CLCN7: variants seen among roughly 807,000 people sequenced by gnomAD.
The protein encoded by CLCN7 is Cl-/H+ antiporter 7.
In CLCN7, 60 loss-of-function variants were observed where a neutral mutation model predicts 102.1. That is an observed-to-expected ratio of 0.59 (90% CI 0.48 to 0.73). The LOEUF is 0.73. CLCN7 is among the 30% of genes least tolerant of loss of function. The probability of loss-of-function intolerance (pLI) is 0.00; values close to 1 mark genes in which losing one functional copy is unlikely to be tolerated. For missense variants in CLCN7, 962 were observed against 1,125.7 expected, an observed-to-expected ratio of 0.85 and a Z score of 2.08; for synonymous variants, 560 against 490.5, an observed-to-expected ratio of 1.14 and a Z score of -1.87.
Position 1,451,635 on chromosome 16 carries a change from G to A in CLCN7, c.1435C>T (p.His479Tyr). The change falls in exon 16 of 25, where the codon CAC becomes TAC. Residue 479 changes from histidine (H) to tyrosine (Y), a missense_variant. Physicochemically the swap from His to Tyr is moderately conservative, Grantham distance 83 (BLOSUM62 2). Transcript: ENST00000382745. ...TGCCCACACACACCTGGCGGGTCGT[G>A]GAAGAGGCTCACCACGCTCTTCTCC... is the stretch of plus-strand genomic sequence containing the variant. ...TPEKSVVSLF[H>Y]DPPGSYNPLT... The A allele has an allele frequency of 6.2e-7, 1 of 1,612,024 alleles. No individual in the cohort carries two copies. Among genetic ancestry groups the A allele is most frequent in the Non-Finnish European group, 8.5e-7 (1 of 1,179,852 alleles).
chr16:1,465,137 A>G (rs2038987305), intron 2 of CLCN7, 130 bp downstream of exon 2: 13 of 796,824 alleles, frequency 1.6e-5, no homozygotes, highest in South Asian at 1.6e-4. Flanking sequence ...TGTCCCCCCA[A>G]GGAAATCTTC....
intron 1 of CLCN7, among the ~76,000 whole-genome samples, chr16:1,469,139 G>A (rs1036105486): frequency 1.3e-5 from 2 of 151,936 alleles, no homozygotes; most frequent in Non-Finnish European, 2.9e-5. Flanking sequence ...CCGGGAGGTG[G>A]AGGTTGCAGT....
In CLCN7 at chr16:1,446,137, C is replaced by T. The variant is rs2038635654; in HGVS notation, c.*494G>A. On this transcript the variant is annotated 3_prime_UTR_variant, in exon 25 of 25. Transcript: ENST00000382745. ...GAGTCCGTGCCTCAGGCCCAGGGACCACAGGCCGTCTGCTCATGGCTGAAA... is the reference window on the plus strand; with the variant it reads ...GAGTCCGTGCCTCAGGCCCAGGGACTACAGGCCGTCTGCTCATGGCTGAAA... The T allele has an allele frequency of 1.7e-6, 1 of 601,242 alleles. No individual in the cohort carries two copies. The highest frequency in any genetic ancestry group is 1.9e-5 in the African/African-American group (1 of 53,944). 37.2% of individuals were successfully genotyped at this position (601,242 alleles called of 1,614,324 possible). A position where few individuals can be genotyped will look rare whatever the true frequency, so the allele number is the denominator to read the frequency against.
intron 21 of CLCN7, among the ~76,000 whole-genome samples, chr16:1,448,040 G>A (rs1461581599): frequency 6.6e-6 from 1 of 152,192 alleles, no homozygotes; most frequent in East Asian, 1.9e-4. Context: ...CAGTGTCCAC[G>A]TCTAAAAGAC....
At chr16:1,458,043 C>T (rs1212971792) in intron 7 of CLCN7, among the ~76,000 whole-genome samples, 1 of 132,174 alleles carries the variant, frequency 7.6e-6, no homozygotes, top group African/African-American at 3.1e-5. Context: ...GCTGGGCCGC[C>T]CACCGCATCC....
At chr16:1,449,348 G>C in intron 17 of CLCN7, 21 bp from the exon 18 acceptor site, 2 of 1,575,392 alleles carry the variant, frequency 1.3e-6, no homozygotes, top group East Asian at 4.7e-5. Flanking sequence ...TGACACGGAG[G>C]AGGTGTCAGT....
chr16:1,456,935 T>G (rs759207026), intron 9 of CLCN7, among the ~76,000 whole-genome samples: 1 of 152,080 alleles, frequency 6.6e-6, no homozygotes, highest in Non-Finnish European at 1.5e-5. Flanking sequence ...AAAGTGTGTC[T>G]TGACAAATAA....
intron 6 of CLCN7, among the ~76,000 whole-genome samples, chr16:1,459,730 G>GAA (rs1400205749): frequency 6.2e-5 from 3 of 48,228 alleles, no homozygotes; most frequent in African/African-American, 1.2e-4. Context: ...TCAGGGAAGG[G>GAA]GAGCTCAGCA....
At chr16:1,449,466 G>C (rs2038708373) in intron 17 of CLCN7, 139 bp from the exon 18 acceptor site, 5 of 757,364 alleles carry the variant, frequency 6.6e-6, no homozygotes, top group Non-Finnish European at 1.1e-5. Context: ...CATACACACA[G>C]AACAACCTAG....
At chr16:1,462,066 C>CA (rs2038945686) in intron 2 of CLCN7, among the ~76,000 whole-genome samples, 1 of 146,124 alleles carries the variant, frequency 6.8e-6, no homozygotes, top group African/African-American at 2.6e-5. Context: ...GCCTGGGTGA[C>CA]AGAGCAAGAC....
In CLCN7 at chr16:1,455,151, C is replaced by T. The variant is rs528134862; in HGVS notation, c.1081G>A (p.Gly361Arg). ...DLSSPGLINF[G>R]RFDSEKMAYT... ...CAGGTTACCTCCGAGTCAAACCTTC[C>T]GAAGTTGATGAGGCCTGGGCTGGAC... The change falls in exon 12 of 25, where the codon GGA becomes AGA. Residue 361 changes from glycine (G) to arginine (R), a missense_variant. Transcript: ENST00000382745. 1.9e-6 allele frequency: 3 copies of T among 1,610,370 alleles called. No homozygotes were observed. The highest frequency in any genetic ancestry group is 2.2e-5 in the South Asian group (2 of 91,016).
chr16:1,446,337 C>T lies in CLCN7; in HGVS notation c.*294G>A, dbSNP rs760110558. On this transcript the variant is annotated 3_prime_UTR_variant, in exon 25 of 25. Coordinates refer to ENST00000382745, the MANE Select transcript of CLCN7 (RefSeq NM_001287.6). ...GCTGGCTCCCAAGAGGCCGATAGCCCGGTAGGGAGGTCACACACACACAGC... is the reference window on the plus strand; with the variant it reads ...GCTGGCTCCCAAGAGGCCGATAGCCTGGTAGGGAGGTCACACACACACAGC... 3.6e-5 allele frequency: 25 copies of T among 701,800 alleles called. No individual in the cohort carries two copies. The highest frequency in any genetic ancestry group is 2.4e-4 in the Middle Eastern group (1 of 4,224). The allele number at this position is 701,800 out of a possible 1,614,324, so 43.5% of individuals were successfully genotyped here. A position where few individuals can be genotyped will look rare whatever the true frequency, so the allele number is the denominator to read the frequency against.
rs1160752504 is a variant in CLCN7, at chr16:1,465,309, T to C, written c.171A>G (p.Gly57=). ...QSPRSALFRV[G]HMSSVELDDE... ...CATCCAGCTCCACGCTGCTCATATG[T>C]CCGACTCGGAAAAGCGCAGAACGTG... Residue 57 remains glycine (G), a synonymous_variant, in exon 2 of 25, where the codon GGA becomes GGG. Coordinates refer to ENST00000382745, the MANE Select transcript of CLCN7 (RefSeq NM_001287.6). 6.2e-7 allele frequency: 1 copy of C among 1,613,756 alleles called. No homozygotes were observed. Among genetic ancestry groups the C allele is most frequent in the African/African-American group, 1.3e-5 (1 of 74,934 alleles).
intron 1 of CLCN7, among the ~76,000 whole-genome samples, chr16:1,471,010 G>A (rs1038716042): frequency 6.6e-5 from 10 of 152,106 alleles, no homozygotes; most frequent in East Asian, 5.8e-4. Flanking sequence ...GCCCACACAC[G>A]GCCAGGGCTG....
chr16:1,451,276 C>T (rs1188377359), intron 16 of CLCN7, among the ~76,000 whole-genome samples: 1 of 152,214 alleles, frequency 6.6e-6, no homozygotes, highest in African/African-American at 2.4e-5. Context: ...GATGTAATCA[C>T]AGCTCATTGT....
At position 1,446,100 on chromosome 16, in the gene CLCN7, C is replaced by G; in HGVS notation, c.*531G>C. On this transcript the variant is annotated 3_prime_UTR_variant, in exon 25 of 25. Transcript: ENST00000382745. ...CTCCGGGGCGGTCGCAGCCTCCAAA[C>G]CCTGGTGCTACGAGTCCGTGCCTCA... is the stretch of plus-strand genomic sequence containing the variant. 1 of 596,522 alleles carries G rather than the reference C, an allele frequency of 1.7e-6. No individual in the cohort carries two copies. Among genetic ancestry groups the G allele is most frequent in the Non-Finnish European group, 3.0e-6 (1 of 335,764 alleles). The allele number at this position is 596,522 out of a possible 1,614,324, so 37.0% of individuals were successfully genotyped here.
chr16:1,454,476 A>G lies in CLCN7; in HGVS notation c.1099-11T>C. On this transcript the variant is annotated splice_polypyrimidine_tract_variant and intron_variant, in intron 12 of 24. Coordinates refer to ENST00000382745, the MANE Select transcript of CLCN7 (RefSeq NM_001287.6). ...CGTGTAGGCCATTTTCTGTGCAGAG[A>G]GAGGGAGAAGGCAGAGGATGTGAGG... is the stretch of plus-strand genomic sequence containing the variant. 1 of 1,613,146 alleles carries G rather than the reference A, an allele frequency of 6.2e-7. No homozygotes were observed. The highest frequency in any genetic ancestry group is 8.5e-7 in the Non-Finnish European group (1 of 1,179,562).
intron 12 of CLCN7, 133 bp downstream of exon 12, chr16:1,455,001 T>A (rs897759555): frequency 2.8e-6 from 2 of 710,004 alleles, no homozygotes; most frequent in Non-Finnish European, 5.2e-6. Flanking sequence ...CCCTGGAGCT[T>A]ACACAAGAGC....
intron 16 of CLCN7, among the ~76,000 whole-genome samples, chr16:1,451,307 AAGCAATCCTCCC>A (rs2038745965): frequency 1.3e-5 from 2 of 152,100 alleles, no homozygotes; most frequent in South Asian, 4.1e-4. Context: ...TTCTGGGCTC[AAGCAATCCTCCC>A]GGCCCAGCCT....
Sources: allele counts gnomAD v4.1 joint callset (sites outside exome capture counted in the v4.1 genomes callset), GRCh38; gene constraint gnomAD v4.1.1; transcripts MANE v1.5; gene names NCBI Gene and HGNC (gene_info 2026-07-23, HGNC 2026-07-21).